Variants in KCNIP4 observed in about 807,000 individuals in gnomAD.
KCNIP4 encodes the protein potassium voltage-gated channel interacting protein 4, also known as Kv channel-interacting protein 4.
KCNIP4 carries 12 observed loss-of-function variants against 34.0 expected under a neutral mutation model. The ratio of observed to expected loss-of-function variants is 0.35; its 90% CI spans 0.23 to 0.57. The LOEUF (loss-of-function observed/expected upper bound fraction) is 0.57, where lower values mean the gene tolerates loss of function less well. Among genes scored for constraint, KCNIP4 ranks in the 20% least tolerant of loss-of-function variants. The pLI is 0.83. For synonymous variants in KCNIP4, 124 were observed against 102.2 expected (o/e 1.21, Z -1.29); for missense variants, 238 against 311.7 (o/e 0.76, Z 1.78).
intron 1 of KCNIP4, among the ~76,000 whole-genome samples, chr4:21,348,547 C>G (rs891770852): frequency 6.6e-6 from 1 of 152,150 alleles, no homozygotes; most frequent in Non-Finnish European, 1.5e-5. Context: ...CAGTCTCCCC[C>G]TGAAGACAAC....
intron 1 of KCNIP4, among the ~76,000 whole-genome samples, chr4:20,922,914 C>T (rs1327426499): frequency 6.6e-6 from 1 of 152,034 alleles, no homozygotes; most frequent in Admixed American, 6.6e-5. Flanking sequence ...TCTCTAAAAA[C>T]CTTATAAAAA....
intron 1 of KCNIP4, among the ~76,000 whole-genome samples, chr4:21,714,786 AT>A (rs72180375): frequency 0.019 from 874 of 46,230 alleles, 145 homozygotes; most frequent in African/African-American, 0.04. Flanking sequence ...TTTCCCTTTG[AT>A]TATTTTATTT....
chr4:21,929,638 A>T (rs564430842), intron 1 of KCNIP4, among the ~76,000 whole-genome samples: 1 of 152,248 alleles, frequency 6.6e-6, no homozygotes, highest in East Asian at 1.9e-4. Flanking sequence ...ACTCCCAAGA[A>T]CTGCTCAGTC....
At chr4:21,213,330 C>G (rs1316987890) in intron 1 of KCNIP4, among the ~76,000 whole-genome samples, 2 of 151,966 alleles carry the variant, frequency 1.3e-5, no homozygotes, top group Non-Finnish European at 2.9e-5. Context: ...GAGATGGGAT[C>G]TTGCTCTGTC....
At chr4:21,893,894 T>C (rs10000092) in intron 1 of KCNIP4, among the ~76,000 whole-genome samples, 47,773 of 152,056 alleles carry the variant, frequency 0.31, 7,874 homozygotes, top group African/African-American at 0.42. Flanking sequence ...ATATTAAATG[T>C]TTCCCTTACT....
chr4:20,803,248 G>A (rs1714589050), intron 3 of KCNIP4, among the ~76,000 whole-genome samples: 1 of 151,026 alleles, frequency 6.6e-6, no homozygotes, highest in Admixed American at 6.6e-5. Context: ...ATACCTAAAG[G>A]AACTAGAAAA....
At chr4:21,564,025 ACTAT>A (rs982765351) in intron 1 of KCNIP4, among the ~76,000 whole-genome samples, 1 of 152,138 alleles carries the variant, frequency 6.6e-6, no homozygotes, top group Non-Finnish European at 1.5e-5. Flanking sequence ...GTTTTTATCT[ACTAT>A]CTCAGTGTTG....
intron 1 of KCNIP4, among the ~76,000 whole-genome samples, chr4:21,880,876 C>A (rs541509130): frequency 8.4e-4 from 128 of 152,254 alleles, no homozygotes; most frequent in Non-Finnish European, 1.2e-3. Flanking sequence ...ATAGTTTTAA[C>A]CTCTTACTTC....
chr4:20,938,762 A>G (rs1017243000), intron 1 of KCNIP4, among the ~76,000 whole-genome samples: 1 of 152,248 alleles, frequency 6.6e-6, no homozygotes, highest in East Asian at 1.9e-4. Context: ...CCAATTGTAT[A>G]GAACAATCTT....
intron 6 of KCNIP4, 123 bp from the exon 7 acceptor site, chr4:20,732,908 G>C: frequency 1.6e-6 from 1 of 612,516 alleles, no homozygotes; most frequent in Non-Finnish European, 2.8e-6. Context: ...TGGATTCTTT[G>C]TTAGACGACT....
intron 1 of KCNIP4, among the ~76,000 whole-genome samples, chr4:21,430,540 A>T (rs1208403971): frequency 6.6e-6 from 1 of 152,114 alleles, no homozygotes; most frequent in Non-Finnish European, 1.5e-5. Context: ...GCTCAGTTCT[A>T]TGGGTGATGC....
chr4:21,653,174 A>G (rs1577764244), intron 1 of KCNIP4, among the ~76,000 whole-genome samples: 1 of 152,188 alleles, frequency 6.6e-6, no homozygotes, highest in African/African-American at 2.4e-5. Flanking sequence ...CTGTTTGTAC[A>G]TAATGATTAG....
At chr4:21,807,608 T>C (rs1721380672) in intron 1 of KCNIP4, among the ~76,000 whole-genome samples, 1 of 152,212 alleles carries the variant, frequency 6.6e-6, no homozygotes, top group South Asian at 2.1e-4. Flanking sequence ...AACATGTTAA[T>C]AACCTGTGGC....
At chr4:21,112,873 A>G (rs1313371615) in intron 1 of KCNIP4, among the ~76,000 whole-genome samples, 2 of 151,732 alleles carry the variant, frequency 1.3e-5, no homozygotes, top group Non-Finnish European at 2.9e-5. Flanking sequence ...TTTTTTCTCC[A>G]ATAGCCAGGG....
intron 1 of KCNIP4, among the ~76,000 whole-genome samples, chr4:20,921,454 A>C (rs1208609020): frequency 6.6e-6 from 1 of 152,084 alleles, no homozygotes; most frequent in South Asian, 2.1e-4. Context: ...GTAGATATGC[A>C]GATAAGAGAA....
At chr4:21,861,964 C>A (rs776491985) in intron 1 of KCNIP4, among the ~76,000 whole-genome samples, 2 of 152,134 alleles carry the variant, frequency 1.3e-5, no homozygotes, top group African/African-American at 2.4e-5. Context: ...CTGCCTCCCA[C>A]CCTCCTCCAA....
chr4:21,072,385 G>C (rs966513982), intron 1 of KCNIP4, among the ~76,000 whole-genome samples: 23 of 152,130 alleles, frequency 1.5e-4, no homozygotes, highest in Admixed American at 7.2e-4. Context: ...GCATTTCTCT[G>C]ATGGCCAGTG....
At chr4:20,771,968 CT>C (rs1426284775) in intron 3 of KCNIP4, among the ~76,000 whole-genome samples, 1 of 152,224 alleles carries the variant, frequency 6.6e-6, no homozygotes, top group Non-Finnish European at 1.5e-5. Context: ...CTGTGCCCAG[CT>C]GAATAAAACT....
In KCNIP4 at chr4:21,151,405, A is replaced by ATTTTTTTTTTTTTTTTTTTTTTT. The variant is rs1491541435; in HGVS notation, c.62-268697_62-268696insAAAAAAAAAAAAAAAAAAAAAAA. ...AGAATGGATGTCTTCAACAAAAGAC[A>ATTTTTTTTTTTTTTTTTTTTTTT]ATTTTTTTTTTTTTTTTTTTTTTTT... On this transcript the variant is annotated intron_variant, in intron 1 of 8. Coordinates refer to ENST00000382152, the MANE Select transcript of KCNIP4 (RefSeq NM_025221.6). Among the ~76,000 whole-genome samples the ATTTTTTTTTTTTTTTTTTTTTTT allele has an allele frequency of 1.1e-4, 10 of 93,512 alleles. 4 individuals carry two copies. The highest frequency in any genetic ancestry group is 8.1e-5 in the African/African-American group (2 of 24,702). The allele number at this position is 93,512 out of a possible 152,430, so 61.3% of individuals were successfully genotyped here.
Sources: allele counts gnomAD v4.1 joint callset (sites outside exome capture counted in the v4.1 genomes callset), GRCh38; gene constraint gnomAD v4.1.1; transcripts MANE v1.5; gene names NCBI Gene and HGNC (gene_info 2026-07-23, HGNC 2026-07-21).